NEK10: variants seen among roughly 807,000 people sequenced by gnomAD.
NEK10 encodes the protein NIMA related kinase 10, also known as serine/threonine-protein kinase Nek10.
Under a neutral mutation model 159.8 loss-of-function variants are expected in NEK10, and 122 were observed. The ratio of observed to expected loss-of-function variants is 0.76; its 90% CI spans 0.66 to 0.89. The LOEUF (loss-of-function observed/expected upper bound fraction) is 0.89, where lower values mean the gene tolerates loss of function less well. Ranked by LOEUF, NEK10 falls within the 40% of genes least tolerant of loss-of-function variation. The pLI is 0.00. For missense variants in NEK10, 1,342 were observed against 1,323.1 expected, an observed-to-expected ratio of 1.01 and a Z score of -0.22; for synonymous variants, 466 against 457.1, an observed-to-expected ratio of 1.02 and a Z score of -0.25.
At chr3:27,127,546 C>A (rs564896516) in intron 32 of NEK10, among the ~76,000 whole-genome samples, 3 of 151,964 alleles carry the variant, frequency 2.0e-5, no homozygotes, top group Non-Finnish European at 4.4e-5. Context: ...TGTAGGCAAC[C>A]GCAACACAAT....
intron 23 of NEK10, among the ~76,000 whole-genome samples, chr3:27,213,835 T>C (rs1383432239): frequency 3.3e-5 from 3 of 89,856 alleles, no homozygotes; most frequent in African/African-American, 9.8e-5. Context: ...CTTTGACATA[T>C]TTTTAAAGGC....
At chr3:27,184,770 C>T (rs969107789) in intron 26 of NEK10, among the ~76,000 whole-genome samples, 8 of 152,086 alleles carry the variant, frequency 5.3e-5, no homozygotes, top group Admixed American at 3.9e-4. Flanking sequence ...ATTAACCAGA[C>T]AATAAAAGCA....
intron 5 of NEK10, among the ~76,000 whole-genome samples, chr3:27,332,086 C>T (rs994653280): frequency 9.2e-5 from 14 of 152,108 alleles, no homozygotes; most frequent in African/African-American, 2.9e-4. Flanking sequence ...AACGATAGTA[C>T]CAGAACGAGG....
chr3:27,201,395 G>C (rs1950028773), intron 25 of NEK10, 115 bp downstream of exon 25: 1 of 835,914 alleles, frequency 1.2e-6, no homozygotes, highest in African/African-American at 1.7e-5. Context: ...TTCTAGATTT[G>C]GATTATGTAG....
At chr3:27,242,810 G>C (rs1037213592) in intron 23 of NEK10, among the ~76,000 whole-genome samples, 1 of 152,158 alleles carries the variant, frequency 6.6e-6, no homozygotes, top group Admixed American at 6.5e-5. Flanking sequence ...TGGAACCCTA[G>C]AGTACTAAAA....
chr3:27,255,308 T>C (rs1391047011), intron 23 of NEK10: 1 of 426,794 alleles, frequency 2.3e-6, no homozygotes, highest in East Asian at 7.3e-5. Context: ...GAAACCACTT[T>C]CAAGAATAAA....
intron 5 of NEK10, among the ~76,000 whole-genome samples, chr3:27,331,108 G>A (rs181836084): frequency 1.4e-4 from 21 of 151,762 alleles, no homozygotes; most frequent in African/African-American, 4.8e-4. Context: ...GTGGTGGCAG[G>A]CACCTGTAAT....
intron 22 of NEK10, among the ~76,000 whole-genome samples, chr3:27,281,690 A>C (rs2042170885): frequency 2.0e-5 from 3 of 152,124 alleles, no homozygotes; most frequent in African/African-American, 7.2e-5. Context: ...AGAGCAGGGA[A>C]GTTTACAAAG....
chr3:27,181,836 T>C (rs1454984421), intron 26 of NEK10, among the ~76,000 whole-genome samples: 1 of 152,222 alleles, frequency 6.6e-6, no homozygotes, highest in East Asian at 1.9e-4. Context: ...TACTAAATTT[T>C]GTTGAATAAG....
At chr3:27,310,902 T>A in intron 9 of NEK10, 47 bp downstream of exon 9, 1 of 1,175,858 alleles carries the variant, frequency 8.5e-7, no homozygotes, top group Non-Finnish European at 1.3e-6. Context: ...TAATGTGAAC[T>A]ATTGCCATAG....
intron 24 of NEK10, 107 bp downstream of exon 24, chr3:27,202,321 C>G (rs1950125611): frequency 2.8e-5 from 29 of 1,031,030 alleles, no homozygotes; most frequent in Non-Finnish European, 5.3e-6. Flanking sequence ...AAAAACAATT[C>G]TTGCTTTTAA....
chr3:27,273,173 G>T (rs2041507337), intron 22 of NEK10, among the ~76,000 whole-genome samples: 2 of 152,144 alleles, frequency 1.3e-5, no homozygotes, highest in Non-Finnish European at 2.9e-5. Context: ...CCAAATGGGG[G>T]TTATTGACAG....
chr3:27,266,028 C>T (rs1575517494), intron 22 of NEK10, among the ~76,000 whole-genome samples: 1 of 151,962 alleles, frequency 6.6e-6, no homozygotes, highest in African/African-American at 2.4e-5. Context: ...AGGATGGTCT[C>T]GATCCTGACC....
chr3:27,288,226 G>T (rs907582938), intron 19 of NEK10, among the ~76,000 whole-genome samples: 55 of 152,258 alleles, frequency 3.6e-4, no homozygotes, highest in African/African-American at 1.2e-3. Flanking sequence ...TCTCCAAAAT[G>T]ATTAGTAGAA....
At chr3:27,231,143 G>T (rs958384659) in intron 23 of NEK10, among the ~76,000 whole-genome samples, 1 of 151,838 alleles carries the variant, frequency 6.6e-6, no homozygotes, top group Non-Finnish European at 1.5e-5. Flanking sequence ...ATTTAAGAAA[G>T]TCAAAATCAT....
In NEK10 at chr3:27,320,367, T is replaced by A. The variant is rs918204364; in HGVS notation, c.447+1810A>T. 5.3e-5 allele frequency among the ~76,000 whole-genome samples: 8 copies of A among 152,334 alleles called. No individual in the cohort carries two copies. In the South Asian group the frequency reaches 8.3e-4, roughly 16 times the overall value. On this transcript the variant is annotated intron_variant, in intron 6 of 35. Coordinates refer to ENST00000691995, the MANE Select transcript of NEK10 (RefSeq NM_001394966.1). ...ACAGAACATCTCTAGGACAAATATT[T>A]GCTAGTTCAAGTCAGATTAACTGGA... is the stretch of plus-strand genomic sequence containing the variant.
At chr3:27,283,709 C>T (rs2042367910) in intron 22 of NEK10, among the ~76,000 whole-genome samples, 1 of 152,172 alleles carries the variant, frequency 6.6e-6, no homozygotes, top group Non-Finnish European at 1.5e-5. Context: ...AGTAAGCCTT[C>T]TCATTTGCGA....
intron 22 of NEK10, chr3:27,265,751 T>C (rs1559390331): frequency 6.6e-6 from 1 of 152,074 alleles, no homozygotes; most frequent in Non-Finnish European, 1.5e-5. Context: ...TTTATTTTCT[T>C]ATTTTTAAGT....
chr3:27,159,584 T>C (rs1207362740), intron 30 of NEK10, among the ~76,000 whole-genome samples: 1 of 152,118 alleles, frequency 6.6e-6, no homozygotes, highest in Admixed American at 6.6e-5. Context: ...TGGTAATATT[T>C]TCATTTGTAT....
Sources: allele counts gnomAD v4.1 joint callset (sites outside exome capture counted in the v4.1 genomes callset), GRCh38; gene constraint gnomAD v4.1.1; transcripts MANE v1.5; gene names NCBI Gene and HGNC (gene_info 2026-07-23, HGNC 2026-07-21).